The following BLMH variants were observed in gnomAD, a reference collection of about 807,000 sequenced individuals.
BLMH encodes BLM hydrolase.
A neutral mutation model predicts 61.6 loss-of-function variants in BLMH; 32 were observed. That is an observed-to-expected ratio of 0.52 (90% confidence interval 0.39 to 0.70). The LOEUF (loss-of-function observed/expected upper bound fraction) is 0.70. Ranked by LOEUF, BLMH falls within the 30% of genes least tolerant of loss-of-function variation. The pLI is 0.00. For missense variants in BLMH, 460 were observed against 555.5 expected (o/e 0.83, Z 1.73); for synonymous variants, 183 against 193.8 (o/e 0.94, Z 0.46).
intron 6 of BLMH, among the ~76,000 whole-genome samples, chr17:30,275,826 G>A (rs777476850): frequency 1.3e-5 from 2 of 152,022 alleles, no homozygotes; most frequent in Non-Finnish European, 2.9e-5. Flanking sequence ...TGTCCCTTTT[G>A]CACCCACAGT....
intron 11 of BLMH, among the ~76,000 whole-genome samples, chr17:30,265,496 CAG>C (rs1908076765): frequency 6.6e-6 from 1 of 152,182 alleles, no homozygotes; most frequent in South Asian, 2.1e-4. Context: ...ATTCTAAACA[CAG>C]AGAGGGGCAA....
In BLMH at chr17:30,263,778, C is replaced by G. The variant is rs919848963; in HGVS notation, c.1216+3107G>C. ...GGGCAAAGGGGAAAGGCAGCTTGCC[C>G]AGGTATCTTTGCTCTGTTTATCTCC... On this transcript the variant is annotated intron_variant, in intron 11 of 11. Coordinates refer to ENST00000261714, the MANE Select transcript of BLMH (RefSeq NM_000386.4). Among the ~76,000 whole-genome samples, 10 of 152,200 alleles carry G rather than the reference C, an allele frequency of 6.6e-5. No homozygotes were observed. The East Asian group carries it at 1.5e-3, about 23-fold the overall frequency.
chr17:30,280,475 ACTT>A (rs1239349844), intron 6 of BLMH, among the ~76,000 whole-genome samples: 1 of 151,958 alleles, frequency 6.6e-6, no homozygotes, highest in African/African-American at 2.4e-5. Flanking sequence ...ATTTACCCCA[ACTT>A]CTTTTTATTT....
At chr17:30,288,877 G>A (rs568613842) in intron 3 of BLMH, among the ~76,000 whole-genome samples, 1 of 152,258 alleles carries the variant, frequency 6.6e-6, no homozygotes, top group Non-Finnish European at 1.5e-5. Context: ...TGAGTTGAGA[G>A]GATGGCTTGA....
intron 6 of BLMH, among the ~76,000 whole-genome samples, chr17:30,277,142 C>T (rs1453815295): frequency 6.6e-6 from 1 of 152,166 alleles, no homozygotes; most frequent in Non-Finnish European, 1.5e-5. Flanking sequence ...GAGAACCTTC[C>T]TTTATTAAGA....
At chr17:30,261,538 A>C (rs1034919695) in intron 11 of BLMH, among the ~76,000 whole-genome samples, 3 of 152,260 alleles carry the variant, frequency 2.0e-5, no homozygotes, top group African/African-American at 4.8e-5. Context: ...GGCTACATAC[A>C]AACTGTAGGA....
In BLMH at chr17:30,291,357, G is replaced by A. The variant is rs1908880973; in HGVS notation, c.165C>T (p.His55=). ...TVQRAQHVFQ[H]AVPQEGKPIT... ...TTGGCTTGCCCTCCTGGGGCACGGCGTGCTGGAACACATGCTGCGCGCGCT... is the reference window on the plus strand; with the variant it reads ...TTGGCTTGCCCTCCTGGGGCACGGCATGCTGGAACACATGCTGCGCGCGCT... Residue 55 remains histidine (H), a synonymous_variant, in exon 2 of 12, where the codon CAC becomes CAT. Transcript: ENST00000261714. 6.2e-7 allele frequency: 1 copy of A among 1,612,862 alleles called. No individual in the cohort carries two copies. Among genetic ancestry groups the A allele is most frequent in the Non-Finnish European group, 8.5e-7 (1 of 1,180,006 alleles).
intron 6 of BLMH, among the ~76,000 whole-genome samples, chr17:30,278,835 A>C (rs1287563158): frequency 6.6e-6 from 1 of 152,090 alleles, no homozygotes; most frequent in African/African-American, 2.4e-5. Context: ...ATGCCTGGCT[A>C]ATTTTTTGTA....
intron 2 of BLMH, 35 bp from the exon 3 acceptor site, chr17:30,289,517 G>T: frequency 6.7e-7 from 1 of 1,490,536 alleles, no homozygotes; most frequent in Non-Finnish European, 9.2e-7. Flanking sequence ...AATTATGAGG[G>T]TTCACATAGA....
intron 5 of BLMH, 61 bp from the exon 6 acceptor site, chr17:30,285,541 CAT>C: frequency 1.5e-6 from 2 of 1,349,994 alleles, no homozygotes; most frequent in Admixed American, 4.1e-5. Flanking sequence ...AAATGACTCT[CAT>C]AGACCAACGC....
chr17:30,291,685 C>T, intron 1 of BLMH, 122 bp downstream of exon 1: 1 of 1,380,558 alleles, frequency 7.2e-7, no homozygotes, highest in Non-Finnish European at 9.5e-7. Context: ...ATCCAGCCTG[C>T]CCCGAAAGCT....
At chr17:30,251,464 G>A (rs946181171) in intron 11 of BLMH, among the ~76,000 whole-genome samples, 1 of 152,200 alleles carries the variant, frequency 6.6e-6, no homozygotes. Context: ...ACATCCAAGG[G>A]CTCCCGGACT....
chr17:30,249,129 A>T lies in BLMH; in HGVS notation c.1256T>A (p.Val419Asp). ...CMTDEWFSEY[V>D]YEVVVDRKHV... ...CTTCCTGTCCACCACCACTTCGTAG[A>T]CATACTCAGAGAACCACTCATCTGT... Residue 419 changes from valine (V) to aspartate (D), a missense_variant, in exon 12 of 12, where the codon GTC (valine) becomes GAC (aspartate). Val to Asp is a radical substitution (Grantham distance 152). This residue lies in a region of BLMH where 310 missense variants were observed against 371.1 expected (regional missense o/e 0.84). Transcript: ENST00000261714. 1 of 1,614,138 alleles carries T rather than the reference A, an allele frequency of 6.2e-7. No individual in the cohort carries two copies. Among genetic ancestry groups the T allele is most frequent in the Non-Finnish European group, 8.5e-7 (1 of 1,179,974 alleles).
chr17:30,285,545 GACCAACGCA>G (rs1908703836), intron 5 of BLMH, 65 bp from the exon 6 acceptor site: 11 of 1,302,198 alleles, frequency 8.4e-6, no homozygotes, highest in Non-Finnish European at 1.2e-5. Flanking sequence ...GACTCTCATA[GACCAACGCA>G]AGTTCTATTT....
intron 10 of BLMH, 29 bp from the exon 11 acceptor site, chr17:30,266,983 T>A: frequency 6.2e-7 from 1 of 1,605,718 alleles, no homozygotes; most frequent in Non-Finnish European, 8.5e-7. Flanking sequence ...TGGTGAGTAG[T>A]CTGAAGCCAG....
At chr17:30,284,212 G>A (rs1241604213) in intron 6 of BLMH, among the ~76,000 whole-genome samples, 4 of 152,092 alleles carry the variant, frequency 2.6e-5, no homozygotes, top group South Asian at 2.1e-4. Flanking sequence ...TTCTGCATTC[G>A]TCCACTCAAC....
At chr17:30,290,691 TC>T (rs1908861540) in intron 2 of BLMH, among the ~76,000 whole-genome samples, 1 of 152,236 alleles carries the variant, frequency 6.6e-6, no homozygotes, top group Non-Finnish European at 1.5e-5. Flanking sequence ...TTGCTGGATA[TC>T]CAATCTTTCA....
Position 30,273,991 on chromosome 17 carries a change from A to G in BLMH, c.801+51T>C, listed in dbSNP as rs112288201. On this transcript the variant is annotated intron_variant, in intron 7 of 11. Coordinates refer to ENST00000261714, the MANE Select transcript of BLMH (RefSeq NM_000386.4). ...GAATCTTATACAATTCCCTGTGGTTAACAGCCATTTGAAAGTAAACAGCCA... is the reference window on the plus strand; with the variant it reads ...GAATCTTATACAATTCCCTGTGGTTGACAGCCATTTGAAAGTAAACAGCCA... 2.3e-3 allele frequency: 3,633 copies of G among 1,599,434 alleles called. 80 individuals are homozygous for G. In the African/African-American group the frequency reaches 0.043, roughly 19 times the overall value.
rs1386477399 is a variant in BLMH at position 30,291,449 on chromosome 17, C to T, written c.73G>A (p.Val25Ile). Residue 25 changes from valine to isoleucine, a missense_variant, in exon 2 of 12, where the codon GTA (valine) becomes ATA (isoleucine). Coordinates refer to ENST00000261714, the MANE Select transcript of BLMH (RefSeq NM_000386.4). The part of the protein sequence containing the change: ...IQKLNSDPQF[V>I]LAQNVGTTHD... ...GTGGTCCCGACATTCTGGGCAAGTA[C>T]GAACTGGGGGTCGGAATTCAGTTTC... 3 of 1,614,200 alleles carry T rather than the reference C, an allele frequency of 1.9e-6. No homozygotes were observed. Among genetic ancestry groups the T allele is most frequent in the African/African-American group, 1.3e-5 (1 of 75,048 alleles).
Sources: gnomAD v4.1 joint callset for allele counts (sites outside exome capture counted in the v4.1 genomes callset) on GRCh38, gnomAD v4.1.1 for gene constraint, gnomAD v4.1.1 regional missense constraint, MANE v1.5 for transcripts, NCBI Gene and HGNC (gene_info 2026-07-23, HGNC 2026-07-21) for gene names.